ANKEF1: variants seen among roughly 807,000 people sequenced by gnomAD.
The protein encoded by ANKEF1 is ankyrin repeat and EF-hand domain-containing protein 1.
A neutral mutation model predicts 65.1 loss-of-function variants in ANKEF1; 43 were observed. The observed-to-expected ratio is 0.66, with a 90% confidence interval of 0.52 to 0.85. The LOEUF is 0.85. Ranked by LOEUF, ANKEF1 falls within the 40% of genes least tolerant of loss-of-function variation. ANKEF1 has a pLI of 0.00. For missense variants in ANKEF1, 934 were observed against 952.9 expected, an observed-to-expected ratio of 0.98 and a Z score of 0.26; for synonymous variants, 316 against 341.5, an observed-to-expected ratio of 0.93 and a Z score of 0.82.
Position 10,056,175 on chromosome 20 carries a change from A to G in ANKEF1, c.*515A>G, listed in dbSNP as rs1985137970. ...GATGAAACAATTTAGGTTTTGGAAA[A>G]AGAAGTAATATTTAATCTTTTAAGG... On this transcript the variant is annotated 3_prime_UTR_variant, in exon 11 of 11. Coordinates refer to ENST00000378392, the MANE Select transcript of ANKEF1 (RefSeq NM_022096.6). 6.5e-6 allele frequency: 1 copy of G among 154,214 alleles called. No individual in the cohort carries two copies. Among genetic ancestry groups the G allele is most frequent in the Admixed American group, 6.3e-5 (1 of 15,796 alleles). 9.6% of individuals were successfully genotyped at this position (154,214 alleles called of 1,614,324 possible).
Position 10,055,919 on chromosome 20 carries a change from A to ATTTTTT in ANKEF1, c.*260_*261insTTTTTT. The ATTTTTT allele has an allele frequency of 2.4e-6, 1 of 408,216 alleles. No homozygotes were observed. The allele number at this position is 408,216 out of a possible 1,614,324, so 25.3% of individuals were successfully genotyped here. A position where few individuals can be genotyped will look rare whatever the true frequency, so the allele number is the denominator to read the frequency against. ...TAGTGAAATACATGGCATGTGGGTTATAAACGTTGCTGTCAAAAGATTTAC... is the reference window on the plus strand; with the variant it reads ...TAGTGAAATACATGGCATGTGGGTTATTTTTTTAAACGTTGCTGTCAAAAGATTTAC... On this transcript the variant is annotated 3_prime_UTR_variant, in exon 11 of 11. Coordinates refer to ENST00000378392, the MANE Select transcript of ANKEF1 (RefSeq NM_022096.6).
chr20:10,043,399 A>G, intron 4 of ANKEF1, 78 bp downstream of exon 4: 2 of 1,371,930 alleles, frequency 1.5e-6, no homozygotes, highest in South Asian at 2.5e-5. Flanking sequence ...AAATATGATG[A>G]CATTATCCTG....
chr20:10,051,980 C>G (rs1600524023), intron 8 of ANKEF1, 91 bp downstream of exon 8: 1 of 985,340 alleles, frequency 1.0e-6, no homozygotes, highest in East Asian at 2.6e-5. Context: ...CGTAGGCTTG[C>G]ATTGTCCACT....
Position 10,053,185 on chromosome 20 carries a change from T to C in ANKEF1, c.1944T>C (p.Asp648=), listed in dbSNP as rs1984964562. Residue 648 remains aspartate, a synonymous_variant, in exon 9 of 11, where the codon GAT becomes GAC. Transcript: ENST00000378392. ...TTGATCTGATTAAAGAAAAGCTAGA[T>C]AACTTGCCGAAACCAGCAGAAAATC... ...RIIDLIKEKL[D]NLPKPAENQK... is the part of the protein sequence containing the mutation. 2 of 1,613,538 alleles carry C rather than the reference T, an allele frequency of 1.2e-6. No individual in the cohort carries two copies. Among genetic ancestry groups the C allele is most frequent in the African/African-American group, 2.7e-5 (2 of 74,884 alleles).
rs764977495 is a variant in ANKEF1, at chr20:10,045,710, A to G, written c.820+13A>G. The G allele has an allele frequency of 9.3e-6, 15 of 1,612,982 alleles. No individual in the cohort carries two copies. The African/African-American group carries it at 2.0e-4, about 22-fold the overall frequency. On this transcript the variant is annotated intron_variant, in intron 6 of 10. Coordinates refer to ENST00000378392, the MANE Select transcript of ANKEF1 (RefSeq NM_022096.6). Reference sequence around the variant, plus strand: ...ATAGCTCAGCGAGGTAAAATTGTCTAGCAATTTTGTGCTTCAAGTACTTAT... The same window carrying G: ...ATAGCTCAGCGAGGTAAAATTGTCTGGCAATTTTGTGCTTCAAGTACTTAT...
intron 3 of ANKEF1, among the ~76,000 whole-genome samples, chr20:10,042,280 T>C (rs1984237451): frequency 6.6e-6 from 1 of 152,246 alleles, no homozygotes; most frequent in Non-Finnish European, 1.5e-5. Flanking sequence ...TTTTCTAGTA[T>C]GTATCCTTTT....
At position 10,055,534 on chromosome 20, in the gene ANKEF1, G is replaced by T; in HGVS notation, c.2205G>T (p.Leu735=). The change falls in exon 11 of 11, where the codon CTG becomes CTT. Residue 735 remains leucine (L), a synonymous_variant. Transcript: ENST00000378392. ...GTCCTGAAGCCACAACAGCAGAGCT[G>T]ATCAGGAAGAGGGAACTACGGCGAG... is the stretch of plus-strand genomic sequence containing the variant. The part of the protein sequence containing the change: ...IWSPEATTAE[L]IRKRELRRER... 2 of 1,613,784 alleles carry T rather than the reference G, an allele frequency of 1.2e-6. No individual in the cohort carries two copies. Among genetic ancestry groups the T allele is most frequent in the South Asian group, 2.2e-5 (2 of 91,072 alleles).
intron 7 of ANKEF1, among the ~76,000 whole-genome samples, chr20:10,051,247 T>C (rs1213448726): frequency 1.3e-5 from 2 of 152,198 alleles, no homozygotes; most frequent in Admixed American, 1.3e-4. Flanking sequence ...CTAATGAGAA[T>C]ATGAACTTCT....
chr20:10,044,487 T>C lies in ANKEF1; in HGVS notation c.640T>C (p.Phe214Leu). 6.2e-7 allele frequency: 1 copy of C among 1,614,140 alleles called. No individual in the cohort carries two copies. Among genetic ancestry groups the C allele is most frequent in the East Asian group, 2.2e-5 (1 of 44,878 alleles). The change falls in exon 5 of 11, where the codon TTT (phenylalanine) becomes CTT (leucine). Residue 214 changes from phenylalanine to leucine, a missense_variant. Transcript: ENST00000378392. ...GGAAAGAGGAGGTGAAGTGAATGCA[T>C]TTGACAACGACAGGCATCACGCTGC... ...ILERGGEVNAFDNDRHHAAHF... is the reference protein window; with the variant it reads ...ILERGGEVNALDNDRHHAAHF...
chr20:10,045,543 T>G (rs756603791), intron 5 of ANKEF1, 31 bp from the exon 6 acceptor site: 1 of 1,608,966 alleles, frequency 6.2e-7, no homozygotes, highest in South Asian at 1.1e-5. Flanking sequence ...ACATTCCTAT[T>G]CCTCCACAAT....
At chr20:10,041,951 T>TC (rs1037576745) in intron 3 of ANKEF1, among the ~76,000 whole-genome samples, 2 of 152,196 alleles carry the variant, frequency 1.3e-5, no homozygotes, top group African/African-American at 4.8e-5. Flanking sequence ...CTGTTTTTTT[T>TC]CCCCAAGTTA....
In ANKEF1 at chr20:10,055,800, A is replaced by G. The variant is rs532569034; in HGVS notation, c.*140A>G. 5 of 762,720 alleles carry G rather than the reference A, an allele frequency of 6.6e-6. No individual in the cohort carries two copies. The highest frequency in any genetic ancestry group is 3.7e-5 in the South Asian group (2 of 54,084). The allele number at this position is 762,720 out of a possible 1,614,324, so 47.2% of individuals were successfully genotyped here. ...AGAATTTCTTTTTGCTTTAACAACT[A>G]TAAATATTCTTAGCTGTCTAGAGAA... On this transcript the variant is annotated 3_prime_UTR_variant, in exon 11 of 11. Coordinates refer to ENST00000378392, the MANE Select transcript of ANKEF1 (RefSeq NM_022096.6).
chr20:10,047,839 T>C (rs1219366092), intron 6 of ANKEF1, among the ~76,000 whole-genome samples: 1 of 152,176 alleles, frequency 6.6e-6, no homozygotes. Flanking sequence ...AAAACTGCCT[T>C]TAGCTCTTTA....
At chr20:10,053,008 C>A in intron 8 of ANKEF1, 104 bp from the exon 9 acceptor site, 1 of 1,189,136 alleles carries the variant, frequency 8.4e-7, no homozygotes, top group South Asian at 1.9e-5. Flanking sequence ...TAGGAATCAC[C>A]CTTATTAGGG....
At chr20:10,045,750 A>G (rs932292751) in intron 6 of ANKEF1, 53 bp downstream of exon 6, 11 of 1,596,920 alleles carry the variant, frequency 6.9e-6, no homozygotes, top group South Asian at 1.1e-5. Flanking sequence ...TACCCATGTC[A>G]TAGATAAGCA....
In ANKEF1 at chr20:10,045,653, C is replaced by T; in HGVS notation, c.776C>T (p.Ala259Val). 6.2e-7 allele frequency: 1 copy of T among 1,613,822 alleles called. No individual in the cohort carries two copies. Residue 259 changes from alanine to valine, a missense_variant, in exon 6 of 11, where the codon GCC becomes GTC. Ala to Val is a moderately conservative substitution (Grantham distance 64). Coordinates refer to ENST00000378392, the MANE Select transcript of ANKEF1 (RefSeq NM_022096.6). The part of the protein sequence containing the change: ...INGNTPLHYA[A>V]MGGFADCCKY... Reference sequence around the variant, plus strand: ...GGGAACACACCACTTCATTATGCTGCCATGGGTGGTTTTGCAGACTGCTGT... The same window carrying T: ...GGGAACACACCACTTCATTATGCTGTCATGGGTGGTTTTGCAGACTGCTGT...
rs766967563 is a variant in ANKEF1 at position 10,038,381 on chromosome 20, A to C, written c.80A>C (p.Gln27Pro). ...LQCVRNKDKK[Q>P]IEKLTKLGYP... The stretch of plus-strand genomic sequence containing the variant: ...TGTGTGCGGAACAAAGACAAGAAGC[A>C]GATAGAGAAGCTGACCAAGCTTGGA... The change falls in exon 3 of 11, where the codon CAG becomes CCG. Residue 27 changes from glutamine to proline, a missense_variant. By Grantham distance (76) the Gln-to-Pro change is moderately conservative. Transcript: ENST00000378392. 6.2e-7 allele frequency: 1 copy of C among 1,613,662 alleles called. No individual in the cohort carries two copies. Among genetic ancestry groups the C allele is most frequent in the African/African-American group, 1.3e-5 (1 of 74,940 alleles).
In ANKEF1 at chr20:10,050,195, G is replaced by A. The variant is rs1252119434; in HGVS notation, c.1626G>A (p.Lys542=). 1 of 1,607,522 alleles carries A rather than the reference G, an allele frequency of 6.2e-7. No individual in the cohort carries two copies. The highest frequency in any genetic ancestry group is 1.3e-5 in the African/African-American group (1 of 74,528). Residue 542 remains lysine, a synonymous_variant, in exon 7 of 11, where the codon AAG becomes AAA. Coordinates refer to ENST00000378392, the MANE Select transcript of ANKEF1 (RefSeq NM_022096.6). ...ACASGNIDVV[K]FLLEKGANVN... The stretch of plus-strand genomic sequence containing the variant: ...CAAGTGGAAACATAGATGTGGTCAA[G>A]TTTCTTCTTGAAAAAGGGTACGCGT...
intron 6 of ANKEF1, among the ~76,000 whole-genome samples, chr20:10,048,290 G>T (rs984003131): frequency 4.0e-5 from 6 of 150,552 alleles, no homozygotes; most frequent in Admixed American, 1.3e-4. Flanking sequence ...TTATTTTTTT[G>T]ATAGTAAGTA....
Sources: gnomAD v4.1 joint callset for allele counts (sites outside exome capture counted in the v4.1 genomes callset) on GRCh38, gnomAD v4.1.1 for gene constraint, MANE v1.5 for transcripts, NCBI Gene and HGNC (gene_info 2026-07-23, HGNC 2026-07-21) for gene names.